The following KLHL8 variants were observed in gnomAD, a reference collection of about 807,000 sequenced individuals.
KLHL8 encodes the protein kelch-like protein 8.
In KLHL8, 38 loss-of-function variants were observed where a neutral mutation model predicts 63.5. That is an observed-to-expected ratio of 0.60 (90% confidence interval 0.46 to 0.78). The LOEUF is 0.78. Among genes scored for constraint, KLHL8 ranks in the 30% least tolerant of loss-of-function variants. The pLI is 0.00. For missense variants in KLHL8, 566 were observed against 752.4 expected, an observed-to-expected ratio of 0.75 and a Z score of 2.90; for synonymous variants, 224 against 254.3, an observed-to-expected ratio of 0.88 and a Z score of 1.13.
intron 3 of KLHL8, among the ~76,000 whole-genome samples, chr4:87,184,834 T>C (rs1420924584): frequency 6.6e-6 from 1 of 152,182 alleles, no homozygotes; most frequent in East Asian, 1.9e-4. Context: ...GTTTACATAA[T>C]AAATCTATCC....
At chr4:87,208,052 A>G (rs1184235946) in intron 1 of KLHL8, 1 of 619,202 alleles carries the variant, frequency 1.6e-6, no homozygotes, top group Non-Finnish European at 3.0e-6. Context: ...TACAGCAACA[A>G]GGTCGTGGAC....
intron 2 of KLHL8, among the ~76,000 whole-genome samples, chr4:87,193,559 G>A (rs926793754): frequency 5.3e-5 from 8 of 152,132 alleles, no homozygotes; most frequent in Non-Finnish European, 8.8e-5. Flanking sequence ...TTCTTTAGAA[G>A]TAGCAAGAGT....
intron 8 of KLHL8, chr4:87,167,554 T>C (rs1435440614): frequency 7.4e-6 from 4 of 537,970 alleles, no homozygotes; most frequent in Non-Finnish European, 1.5e-5. Context: ...CTTGTCTTTC[T>C]GCTCTGGGGC....
intron 4 of KLHL8, among the ~76,000 whole-genome samples, chr4:87,179,823 T>C (rs945032129): frequency 6.6e-6 from 1 of 151,910 alleles, no homozygotes; most frequent in Admixed American, 6.6e-5. Context: ...AATTTTGTTA[T>C]ATATATTTTA....
At chr4:87,205,069 A>T (rs1239338866) in intron 1 of KLHL8, among the ~76,000 whole-genome samples, 1 of 152,208 alleles carries the variant, frequency 6.6e-6, no homozygotes, top group Non-Finnish European at 1.5e-5. Flanking sequence ...ATATAATCAC[A>T]AGCCACTCTA....
chr4:87,167,466 A>G, intron 8 of KLHL8: 1 of 509,638 alleles, frequency 2.0e-6, no homozygotes, highest in Non-Finnish European at 4.0e-6. Context: ...CCATCAAGCC[A>G]ATTTTCATAA....
chr4:87,192,271 ATC>A (rs1276872869), intron 2 of KLHL8, among the ~76,000 whole-genome samples: 2 of 152,090 alleles, frequency 1.3e-5, no homozygotes, highest in African/African-American at 4.8e-5. Context: ...CCTTGCCAAC[ATC>A]TGTTATTTTT....
intron 8 of KLHL8, among the ~76,000 whole-genome samples, chr4:87,166,572 TA>T (rs1298468247): frequency 3.9e-5 from 6 of 152,358 alleles, no homozygotes; most frequent in African/African-American, 1.2e-4. Context: ...TCCCGTTTCA[TA>T]ATCATTTAAA....
chr4:87,235,450 A>G (rs552744490), intron 1 of KLHL8, among the ~76,000 whole-genome samples: 2 of 152,226 alleles, frequency 1.3e-5, no homozygotes, highest in Admixed American at 6.5e-5. Flanking sequence ...CTAGGCTTGT[A>G]TAAGCACATT....
rs373280894 is a variant in KLHL8 at position 87,160,687 on chromosome 4, A to C, written c.*2832T>G. The C allele has an allele frequency of 3.9e-5, 6 of 152,250 alleles. No individual in the cohort carries two copies. Among genetic ancestry groups the C allele is most frequent in the African/African-American group, 1.2e-4 (5 of 41,472 alleles). 9.4% of individuals were successfully genotyped at this position (152,250 alleles called of 1,614,324 possible). The stretch of plus-strand genomic sequence containing the variant: ...TAACTTGTTTTTAAAGTGGCAACGC[A>C]ATATAGTAAAGCAATGGCTTTAATG... On this transcript the variant is annotated 3_prime_UTR_variant, in exon 10 of 10. Coordinates refer to ENST00000273963, the MANE Select transcript of KLHL8 (RefSeq NM_020803.5).
intron 1 of KLHL8, among the ~76,000 whole-genome samples, chr4:87,239,872 C>G (rs1334399947): frequency 6.6e-6 from 1 of 152,194 alleles, no homozygotes; most frequent in Non-Finnish European, 1.5e-5. Context: ...TCTCAATCAT[C>G]AGCCTCCAGA....
intron 1 of KLHL8, among the ~76,000 whole-genome samples, chr4:87,232,075 GTTAA>G (rs1304216825): frequency 4.6e-5 from 7 of 152,220 alleles, no homozygotes; most frequent in Non-Finnish European, 7.4e-5. Flanking sequence ...GGTATATGAG[GTTAA>G]TTATTCTTTA....
At chr4:87,169,452 A>C (rs1452342494) in intron 8 of KLHL8, among the ~76,000 whole-genome samples, 1 of 152,236 alleles carries the variant, frequency 6.6e-6, no homozygotes, top group Non-Finnish European at 1.5e-5. Flanking sequence ...TTAAAAACAT[A>C]TACCTTATTT....
upstream of KLHL8, among the ~76,000 whole-genome samples, chr4:87,225,405 T>A (rs903415466): frequency 2.0e-5 from 3 of 152,204 alleles, no homozygotes; most frequent in African/African-American, 7.2e-5. Flanking sequence ...GTATAGATGC[T>A]TAATAAATAC....
chr4:87,224,481 G>A (rs889733156), upstream of KLHL8, among the ~76,000 whole-genome samples: 1 of 152,166 alleles, frequency 6.6e-6, no homozygotes, highest in Non-Finnish European at 1.5e-5. Context: ...TTGCTAGGGA[G>A]GCAAAGCTTG....
At chr4:87,192,425 A>G (rs1731529197) in intron 2 of KLHL8, among the ~76,000 whole-genome samples, 1 of 152,134 alleles carries the variant, frequency 6.6e-6, no homozygotes, top group African/African-American at 2.4e-5. Flanking sequence ...TTTGAGAAGT[A>G]TATGTTCATG....
intron 2 of KLHL8, among the ~76,000 whole-genome samples, chr4:87,190,073 A>G (rs1731423161): frequency 6.6e-6 from 1 of 151,606 alleles, no homozygotes; most frequent in Non-Finnish European, 1.5e-5. Flanking sequence ...AAAAAGTAAA[A>G]TTTTATCTTA....
chr4:87,226,158 C>G (rs1315721674), intron 1 of KLHL8, among the ~76,000 whole-genome samples: 1 of 152,150 alleles, frequency 6.6e-6, no homozygotes, highest in Non-Finnish European at 1.5e-5. Context: ...AAAATTGTAT[C>G]CATATGTATG....
intron 1 of KLHL8, among the ~76,000 whole-genome samples, chr4:87,226,301 G>A (rs950798666): frequency 4.6e-5 from 7 of 151,862 alleles, no homozygotes; most frequent in African/African-American, 1.7e-4. Context: ...GATGGCTCAC[G>A]CCTGTAATCC....
Sources: gnomAD v4.1 joint callset for allele counts (sites outside exome capture counted in the v4.1 genomes callset) on GRCh38, gnomAD v4.1.1 for gene constraint, MANE v1.5 for transcripts, NCBI Gene and HGNC (gene_info 2026-07-23, HGNC 2026-07-21) for gene names.